The following ZNF541 variants were observed in gnomAD, a reference collection of about 807,000 sequenced individuals.
ZNF541 encodes zinc finger protein 541.
Under a neutral mutation model 123.5 loss-of-function variants are expected in ZNF541, and 23 were observed. The observed-to-expected ratio is 0.19, with a 90% confidence interval of 0.13 to 0.26. The LOEUF (loss-of-function observed/expected upper bound fraction) is 0.26, where lower values mean the gene tolerates loss of function less well. Among genes scored for constraint, ZNF541 ranks in the 10% least tolerant of loss-of-function variants. ZNF541 has a pLI of 1.00. For synonymous variants in ZNF541, 751 were observed against 754.5 expected (o/e 1.00, Z 0.08); for missense variants, 1,612 against 1,789.9 (o/e 0.90, Z 1.79).
intron 2 of ZNF541, among the ~76,000 whole-genome samples, chr19:47,559,723 G>A (rs541706716): frequency 3.3e-5 from 5 of 151,880 alleles, no homozygotes; most frequent in Admixed American, 6.6e-5. Context: ...GGTAGTGCAC[G>A]CCTGTAGTCC....
At position 47,540,221 on chromosome 19, in the gene ZNF541, A is replaced by G; in HGVS notation, c.2577T>C (p.Phe859=). ...GAGGTGACGGCCACTGGTCGCTGTG[A>G]AAACACATGTGGCTGCTCAGCCCTT... ...TEKGLSSHMC[F]HSDQWPSPRG... is the part of the protein sequence containing the mutation. The change falls in exon 7 of 17, where the codon TTT becomes TTC. Residue 859 remains phenylalanine, a synonymous_variant. Coordinates refer to ENST00000391901, the MANE Select transcript of ZNF541 (RefSeq NM_001277075.3). The G allele has an allele frequency of 6.4e-7, 1 of 1,551,746 alleles. No homozygotes were observed. Among genetic ancestry groups the G allele is most frequent in the Non-Finnish European group, 8.7e-7 (1 of 1,147,016 alleles).
At chr19:47,529,138 G>A in intron 13 of ZNF541, 100 bp from the exon 14 acceptor site, 2 of 863,446 alleles carry the variant, frequency 2.3e-6, no homozygotes, top group Non-Finnish European at 3.7e-6. Flanking sequence ...TGCCATTACT[G>A]AGTACCAATT....
At position 47,555,787 on chromosome 19, in the gene ZNF541, T is replaced by C. The variant is rs1970796880; in HGVS notation, c.70A>G (p.Ser24Gly). The C allele has an allele frequency of 6.4e-7, 1 of 1,551,562 alleles. No individual in the cohort carries two copies. The highest frequency in any genetic ancestry group is 2.0e-5 in the Admixed American group (1 of 50,960). The change falls in exon 3 of 17, where the codon AGC becomes GGC. Residue 24 changes from serine to glycine, a missense_variant. By Grantham distance (56) the Ser-to-Gly change is moderately conservative (BLOSUM62 0). Around this residue, in one of 5 missense-constraint regions of ZNF541, gnomAD observed 212 missense variants for 289.6 expected, o/e 0.73. Transcript: ENST00000391901. ...SEMHLPSFSESQGLNCSDTLN... is the reference protein window; with the variant it reads ...SEMHLPSFSEGQGLNCSDTLN... ...GTGTCGCTGCAGTTGAGCCCTTGGC[T>C]CTCTGAAAATGAAGGGAGGTGCATT...
rs1970802589 is a variant in ZNF541, at chr19:47,555,880, C to A, written c.-24G>T. ...ATGGCTCTCCACTGCCAGGTCTTGG[C>A]CAAAAGCTACTCTCCAGATAAGCAA... On this transcript the variant is annotated 5_prime_UTR_variant, in exon 3 of 17. Transcript: ENST00000391901. The A allele has an allele frequency of 1.3e-6, 2 of 1,529,640 alleles. No individual in the cohort carries two copies. The highest frequency in any genetic ancestry group is 1.8e-6 in the Non-Finnish European group (2 of 1,134,222). The allele number at this position is 1,529,640 out of a possible 1,614,324, so 94.8% of individuals were successfully genotyped here.
In ZNF541 at chr19:47,545,755, C is replaced by A. The variant is rs1483368794; in HGVS notation, c.774G>T (p.Val258=). Residue 258 remains valine, a synonymous_variant, in exon 5 of 17, where the codon GTG becomes GTT. Transcript: ENST00000391901. The surrounding 1 kb of genome is among the most constrained non-coding windows in gnomAD (Gnocchi z 7.5). ...QPPPSSLRSL[V]PPEARSPGSL... The stretch of plus-strand genomic sequence containing the variant: ...AGCCGGGGGACCTGGCCTCTGGGGG[C>A]ACCAGGGACCGCAGGCTGCTGGGGG... The A allele has an allele frequency of 1.3e-6, 2 of 1,542,602 alleles. No homozygotes were observed. Among genetic ancestry groups the A allele is most frequent in the Non-Finnish European group, 1.7e-6 (2 of 1,145,346 alleles).
intron 2 of ZNF541, among the ~76,000 whole-genome samples, chr19:47,558,599 C>T (rs1372899944): frequency 1.4e-5 from 2 of 143,306 alleles, no homozygotes; most frequent in African/African-American, 2.5e-5. Flanking sequence ...AACAGAATTT[C>T]TTTTTTTTTT....
At position 47,523,949 on chromosome 19, in the gene ZNF541, G is replaced by A. The variant is rs10412751; in HGVS notation, c.3571-1955C>T. ...GCATGGGAAGAGACCAGCCAAAGCT[G>A]GGCAAAGAGCCATCCAAAAGGATGA... On this transcript the variant is annotated intron_variant, in intron 14 of 16. Coordinates refer to ENST00000391901, the MANE Select transcript of ZNF541 (RefSeq NM_001277075.3). Among the ~76,000 whole-genome samples, 370 of 152,308 alleles carry A rather than the reference G, an allele frequency of 2.4e-3. 2 individuals are homozygous for A. Among genetic ancestry groups the A allele is most frequent in the African/African-American group, 8.5e-3 (354 of 41,568 alleles).
At chr19:47,528,182 G>C (rs1485961684) in intron 14 of ZNF541, among the ~76,000 whole-genome samples, 2 of 145,490 alleles carry the variant, frequency 1.4e-5, no homozygotes, top group Non-Finnish European at 1.5e-5. Flanking sequence ...GGGCATGGTG[G>C]CGCATGCCTG....
Position 47,544,721 on chromosome 19 carries a change from G to A in ZNF541, c.1808C>T (p.Pro603Leu), listed in dbSNP as rs561608658. 352 of 1,505,058 alleles carry A rather than the reference G, an allele frequency of 2.3e-4. 2 individuals are homozygous for A. In the South Asian group the frequency reaches 3.4e-3, roughly 15 times the overall value. The allele number at this position is 1,505,058 out of a possible 1,614,324, so 93.2% of individuals were successfully genotyped here. Residue 603 changes from proline to leucine, a missense_variant, in exon 5 of 17, where the codon CCA becomes CTA. Physicochemically the swap from Pro to Leu is moderately conservative, Grantham distance 98. Transcript: ENST00000391901. ...LQGPWPQQPP[P>L]LAPAVDSLHA... is the part of the protein sequence containing the mutation. Reference sequence around the variant, plus strand: ...GAGAGAGTCCACAGCAGGAGCCAGTGGTGGGGGCTGCTGCGGCCACGGCCC... The same window carrying A: ...GAGAGAGTCCACAGCAGGAGCCAGTAGTGGGGGCTGCTGCGGCCACGGCCC...
chr19:47,534,774 C>T (rs1210556162), intron 9 of ZNF541, among the ~76,000 whole-genome samples: 1 of 152,140 alleles, frequency 6.6e-6, no homozygotes, highest in African/African-American at 2.4e-5. Context: ...CCCAGAAATA[C>T]ACCCACACGT....
Position 47,544,248 on chromosome 19 carries a change from T to C in ZNF541, c.2281A>G (p.Lys761Glu). 5.2e-6 allele frequency: 8 copies of C among 1,551,570 alleles called. No individual in the cohort carries two copies. The highest frequency in any genetic ancestry group is 7.0e-6 in the Non-Finnish European group (8 of 1,147,018). The stretch of plus-strand genomic sequence containing the variant: ...GCACAGCACATATCCATCTTCGCCT[T>C]CTCTTTCCGGAAGCCGGAGAATCGC... ...APRFSGFRKE[K>E]AKMDMCCAAS... is the part of the protein sequence containing the mutation. The change falls in exon 5 of 17, where the codon AAG (lysine) becomes GAG (glutamate). Residue 761 changes from lysine (K) to glutamate (E), a missense_variant. Lys to Glu is a moderately conservative substitution (Grantham distance 56, BLOSUM62 1). Transcript: ENST00000391901.
In ZNF541 at chr19:47,545,683, G is replaced by A. The variant is rs1426456600; in HGVS notation, c.846C>T (p.Ile282=). The A allele has an allele frequency of 1.9e-6, 3 of 1,548,550 alleles. No homozygotes were observed. Among genetic ancestry groups the A allele is most frequent in the African/African-American group, 1.4e-5 (1 of 73,144 alleles). The change falls in exon 5 of 17, where the codon ATC becomes ATT. Residue 282 remains isoleucine, a synonymous_variant. Coordinates refer to ENST00000391901, the MANE Select transcript of ZNF541 (RefSeq NM_001277075.3). The surrounding 1 kb of genome is among the most constrained non-coding windows in gnomAD (Gnocchi z 7.5). ...CAGGAGAAGGGGTCTTCTGGTGGAC[G>A]ATGCTACTCACGATGCGGCGCAGGA... ...RDLLRRIVSS[I]VHQKTPSPGP...
At chr19:47,552,104 C>T (rs1416658097) in intron 3 of ZNF541, among the ~76,000 whole-genome samples, 1 of 151,312 alleles carries the variant, frequency 6.6e-6, no homozygotes, top group African/African-American at 2.4e-5. Flanking sequence ...GCGATCCTCC[C>T]ACCTCAGCCT....
At chr19:47,536,581 C>T (rs1182785226) in intron 9 of ZNF541, among the ~76,000 whole-genome samples, 7 of 152,022 alleles carry the variant, frequency 4.6e-5, no homozygotes, top group Non-Finnish European at 1.0e-4. Context: ...GGCAAGACCC[C>T]CCTCCCTACA....
intron 9 of ZNF541, among the ~76,000 whole-genome samples, chr19:47,535,609 A>G (rs1969779152): frequency 6.6e-6 from 1 of 152,190 alleles, no homozygotes; most frequent in South Asian, 2.1e-4. Flanking sequence ...TCTACCCAAG[A>G]GAGCTGAGAA....
At chr19:47,560,193 G>T (rs900309287) in intron 2 of ZNF541, among the ~76,000 whole-genome samples, 1 of 152,118 alleles carries the variant, frequency 6.6e-6, no homozygotes, top group Non-Finnish European at 1.5e-5. Flanking sequence ...GCAGGCTGGC[G>T]CAAAAGATAT....
intron 2 of ZNF541, among the ~76,000 whole-genome samples, chr19:47,567,664 G>C (rs765712899): frequency 6.6e-6 from 1 of 152,224 alleles, no homozygotes; most frequent in Non-Finnish European, 1.5e-5. Context: ...ATTTAAAAAT[G>C]TGAAAGAAAA....
chr19:47,573,163 G>T (rs1248592714), upstream of ZNF541, among the ~76,000 whole-genome samples: 6 of 149,336 alleles, frequency 4.0e-5, no homozygotes, highest in Non-Finnish European at 8.9e-5. Flanking sequence ...TCCCCGCGCC[G>T]CCCGGGGCGC....
At chr19:47,542,050 T>C (rs747614248) in intron 5 of ZNF541, among the ~76,000 whole-genome samples, 1 of 151,906 alleles carries the variant, frequency 6.6e-6, no homozygotes, top group African/African-American at 2.4e-5. Flanking sequence ...CACTCAGTCA[T>C]GGAAAGGAAT....
Sources: gnomAD v4.1 joint callset for allele counts (sites outside exome capture counted in the v4.1 genomes callset) on GRCh38, gnomAD v4.1.1 for gene constraint, gnomAD v4.1.1 regional missense constraint, Gnocchi (gnomAD v3.1) non-coding constraint, MANE v1.5 for transcripts, NCBI Gene and HGNC (gene_info 2026-07-23, HGNC 2026-07-21) for gene names.